Variants in MAPK7 observed in about 807,000 individuals in gnomAD.
MAPK7 encodes mitogen-activated protein kinase 7.
MAPK7 carries 30 observed loss-of-function variants against 56.9 expected under a neutral mutation model. The observed-to-expected ratio is 0.53, with a 90% confidence interval of 0.39 to 0.72. The LOEUF is 0.72. MAPK7 is among the 30% of genes least tolerant of loss of function. The probability of loss-of-function intolerance (pLI) is 0.00; values close to 1 mark genes in which losing one functional copy is unlikely to be tolerated. For missense variants in MAPK7, 952 were observed against 1,110.8 expected (o/e 0.86, Z 2.03); for synonymous variants, 516 against 449.3 (o/e 1.15, Z -1.88).
At position 19,380,988 on chromosome 17, in the gene MAPK7, A is replaced by C; in HGVS notation, c.779A>C (p.Gln260Pro). Residue 260 changes from glutamine to proline, a missense_variant, in exon 4 of 7, where the codon CAG becomes CCG. Physicochemically the swap from Gln to Pro is moderately conservative, Grantham distance 76. Coordinates refer to ENST00000395604, the MANE Select transcript of MAPK7 (RefSeq NM_002749.4). ...CIFGEMLARR[Q>P]LFPGKNYVHQ... ...TTTGGTGAGATGCTGGCCCGGCGCC[A>C]GCTCTTCCCAGGCAAAAACTATGTA... The C allele has an allele frequency of 6.2e-7, 1 of 1,614,162 alleles. No individual in the cohort carries two copies. The highest frequency in any genetic ancestry group is 8.5e-7 in the Non-Finnish European group (1 of 1,180,020).
At position 19,381,816 on chromosome 17, in the gene MAPK7, C is replaced by T. The variant is rs773329608; in HGVS notation, c.1513C>T (p.Arg505Trp). 3.2e-6 allele frequency: 5 copies of T among 1,564,814 alleles called. No individual in the cohort carries two copies. Among genetic ancestry groups the T allele is most frequent in the Middle Eastern group, 1.7e-4 (1 of 5,786 alleles). ...PSAPLEAPEP[R>W]KPVTAQERQR... Reference sequence around the variant, plus strand: ...CGCACCCCTGGAGGCTCCTGAGCCTCGGAAGCCGGTGACAGCCCAGGAGCG... The same window carrying T: ...CGCACCCCTGGAGGCTCCTGAGCCTTGGAAGCCGGTGACAGCCCAGGAGCG... Residue 505 changes from arginine (R) to tryptophan (W), a missense_variant, in exon 5 of 7, where the codon CGG (arginine) becomes TGG (tryptophan). Physicochemically the swap from Arg to Trp is moderately radical, Grantham distance 101. Coordinates refer to ENST00000395604, the MANE Select transcript of MAPK7 (RefSeq NM_002749.4). This position sits in a 1 kb window ranked among gnomAD's most constrained non-coding sequence, Gnocchi z 4.6.
At chr17:19,378,232 T>A, upstream of MAPK7, 1 of 985,808 alleles carries the variant, frequency 1.0e-6, no homozygotes, top group Middle Eastern at 5.2e-4. The surrounding 1 kb of genome is among the most constrained non-coding windows in gnomAD (Gnocchi z 5.4). Flanking sequence ...TTGCCTTCCA[T>A]TCACTTGGCG....
At position 19,381,154 on chromosome 17, in the gene MAPK7, T is replaced by G; in HGVS notation, c.945T>G (p.Gly315=). The G allele has an allele frequency of 6.2e-7, 1 of 1,614,046 alleles. No homozygotes were observed. Among genetic ancestry groups the G allele is most frequent in the Non-Finnish European group, 8.5e-7 (1 of 1,180,008 alleles). Reference sequence around the variant, plus strand: ...TGCCCTGGGAGACAGTGTACCCAGGTGCCGACCGCCAGGCCCTATCACTGC... The same window carrying G: ...TGCCCTGGGAGACAGTGTACCCAGGGGCCGACCGCCAGGCCCTATCACTGC... ...QPVPWETVYP[G]ADRQALSLLG... is the part of the protein sequence containing the mutation. The change falls in exon 4 of 7, where the codon GGT becomes GGG. Residue 315 remains glycine, a synonymous_variant. Transcript: ENST00000395604. This position sits in a 1 kb window ranked among gnomAD's most constrained non-coding sequence, Gnocchi z 4.6.
rs778901710 is a variant in MAPK7 at position 19,381,800 on chromosome 17, G to A, written c.1497G>A (p.Leu499=). ...CCGCAGATGGCCCCAGCGCACCCCTGGAGGCTCCTGAGCCTCGGAAGCCGG... is the reference window on the plus strand; with the variant it reads ...CCGCAGATGGCCCCAGCGCACCCCTAGAGGCTCCTGAGCCTCGGAAGCCGG... ...SRLRDGPSAP[L]EAPEPRKPVT... Residue 499 remains leucine (L), a synonymous_variant, in exon 5 of 7, where the codon CTG becomes CTA. Transcript: ENST00000395604. This position sits in a 1 kb window ranked among gnomAD's most constrained non-coding sequence, Gnocchi z 4.6. 21 of 1,558,048 alleles carry A rather than the reference G, an allele frequency of 1.3e-5. No individual in the cohort carries two copies. The highest frequency in any genetic ancestry group is 1.7e-5 in the Non-Finnish European group (20 of 1,154,668).
At chr17:19,378,004 C>G, upstream of MAPK7, 1 of 985,398 alleles carries the variant, frequency 1.0e-6, no homozygotes, top group Non-Finnish European at 1.2e-6. This position sits in a 1 kb window ranked among gnomAD's most constrained non-coding sequence, Gnocchi z 5.4. Context: ...GACGGGCACC[C>G]TCTACCGGGG....
chr17:19,378,829 C>T lies in MAPK7; in HGVS notation c.-5-67C>T, dbSNP rs1021971502. 10 of 1,405,056 alleles carry T rather than the reference C, an allele frequency of 7.1e-6. 1 individual carries two copies. Among genetic ancestry groups the T allele is most frequent in the South Asian group, 2.6e-5 (2 of 76,338 alleles). 87.0% of individuals were successfully genotyped at this position (1,405,056 alleles called of 1,614,324 possible). On this transcript the variant is annotated intron_variant, in intron 1 of 6. Transcript: ENST00000395604. The surrounding 1 kb of genome is among the most constrained non-coding windows in gnomAD (Gnocchi z 5.4). ...CTGGGAAGTTCCCTGGTCCTGCTCC[C>T]CAGCCCGCAGAGGGGACACTGAGGC...
In MAPK7 at chr17:19,381,935, G is replaced by A. The variant is rs563151919; in HGVS notation, c.1632G>A (p.Gly544=). The part of the protein sequence containing the change: ...RRQERERKER[G]AGASGGPSTD... ...AGGAGCGGGAGCGAAAGGAACGGGG[G>A]GCTGGGGCCTCTGGGGGCCCCTCCA... Residue 544 remains glycine, a synonymous_variant, in exon 5 of 7, where the codon GGG becomes GGA. Coordinates refer to ENST00000395604, the MANE Select transcript of MAPK7 (RefSeq NM_002749.4). This position sits in a 1 kb window ranked among gnomAD's most constrained non-coding sequence, Gnocchi z 4.6. The A allele has an allele frequency of 6.4e-7, 1 of 1,552,182 alleles. No homozygotes were observed. The highest frequency in any genetic ancestry group is 2.4e-5 in the East Asian group (1 of 40,950).
chr17:19,380,272 G>A, intron 3 of MAPK7: 1 of 491,276 alleles, frequency 2.0e-6, no homozygotes, highest in African/African-American at 1.9e-5. Flanking sequence ...GGACAAGCCT[G>A]GTCAATTTTC....
At chr17:19,380,072 C>A in intron 3 of MAPK7, 125 bp downstream of exon 3, 2 of 1,046,154 alleles carry the variant, frequency 1.9e-6, no homozygotes, top group Non-Finnish European at 2.8e-6. Flanking sequence ...TCCCGCAGTT[C>A]TAGGACCAGT....
rs1912308264 is a variant in MAPK7, at chr17:19,378,569, C to A, written c.-67C>A. On this transcript the variant is annotated 5_prime_UTR_variant, in exon 1 of 7. Coordinates refer to ENST00000395604, the MANE Select transcript of MAPK7 (RefSeq NM_002749.4). The surrounding 1 kb of genome is among the most constrained non-coding windows in gnomAD (Gnocchi z 5.4). ...TAAGTGAGCCACCCTCGGAGACCCC[C>A]GCGCTGGGGACGGGAGGCCGGCGAG... The A allele has an allele frequency of 8.2e-7, 1 of 1,215,984 alleles. No individual in the cohort carries two copies. Among genetic ancestry groups the A allele is most frequent in the Non-Finnish European group, 1.0e-6 (1 of 970,942 alleles). 75.3% of individuals were successfully genotyped at this position (1,215,984 alleles called of 1,614,324 possible).
chr17:19,382,277 C>T lies in MAPK7; in HGVS notation c.1974C>T (p.Ala658=). Reference sequence around the variant, plus strand: ...CTGTCCCCGCGCCACCCCAGATTGCCACCTCCACCAGCCTCCTGGCTGCCC... The same window carrying T: ...CTGTCCCCGCGCCACCCCAGATTGCTACCTCCACCAGCCTCCTGGCTGCCC... The part of the protein sequence containing the change: ...PIPVPAPPQI[A]TSTSLLAAQS... Residue 658 remains alanine (A), a synonymous_variant, in exon 5 of 7, where the codon GCC becomes GCT. Coordinates refer to ENST00000395604, the MANE Select transcript of MAPK7 (RefSeq NM_002749.4). 1 of 1,612,850 alleles carries T rather than the reference C, an allele frequency of 6.2e-7. No individual in the cohort carries two copies. Among genetic ancestry groups the T allele is most frequent in the Non-Finnish European group, 8.5e-7 (1 of 1,179,936 alleles).
chr17:19,377,835 G>A (rs911670217), upstream of MAPK7: 1 of 985,398 alleles, frequency 1.0e-6, no homozygotes, highest in Non-Finnish European at 1.2e-6. Context: ...TCGCGGGACA[G>A]ACAAACGAGC....
chr17:19,381,071 G>A lies in MAPK7; in HGVS notation c.862G>A (p.Ala288Thr). 6.2e-7 allele frequency: 1 copy of A among 1,614,064 alleles called. No individual in the cohort carries two copies. Among genetic ancestry groups the A allele is most frequent in the Non-Finnish European group, 8.5e-7 (1 of 1,180,026 alleles). ...TACCCCATCACCAGCCGTGATTCAG[G>A]CTGTGGGGGCTGAGAGGGTGCGGGC... Reference protein sequence around the residue: ...LGTPSPAVIQAVGAERVRAYI... With the variant: ...LGTPSPAVIQTVGAERVRAYI... Residue 288 changes from alanine (A) to threonine (T), a missense_variant, in exon 4 of 7, where the codon GCT (alanine) becomes ACT (threonine). Transcript: ENST00000395604. The surrounding 1 kb of genome is among the most constrained non-coding windows in gnomAD (Gnocchi z 4.6).
chr17:19,379,769 C>T lies in MAPK7; in HGVS notation c.233-13C>T. On this transcript the variant is annotated splice_polypyrimidine_tract_variant and intron_variant, in intron 2 of 6. Coordinates refer to ENST00000395604, the MANE Select transcript of MAPK7 (RefSeq NM_002749.4). ...AGGTATCCTCTGGTATGTCCCTTTT[C>T]CCTGCTCCTCAGGCCAGCAGGTGGC... The T allele has an allele frequency of 6.2e-7, 1 of 1,612,976 alleles. No individual in the cohort carries two copies. Among genetic ancestry groups the T allele is most frequent in the Non-Finnish European group, 8.5e-7 (1 of 1,179,470 alleles).
chr17:19,382,183 C>T lies in MAPK7; in HGVS notation c.1880C>T (p.Pro627Leu). 6.2e-7 allele frequency: 1 copy of T among 1,612,550 alleles called. No homozygotes were observed. Among genetic ancestry groups the T allele is most frequent in the South Asian group, 1.1e-5 (1 of 91,060 alleles). The change falls in exon 5 of 7, where the codon CCT becomes CTT. Residue 627 changes from proline to leucine, a missense_variant. Coordinates refer to ENST00000395604, the MANE Select transcript of MAPK7 (RefSeq NM_002749.4). ...CAATCTGCGGGCTCTACCTCTGGCC[C>T]TGTACCCCAGCCTGCCTGCCCACCC... ...QPQSAGSTSG[P>L]VPQPACPPPG...
rs1299802035 is a variant in MAPK7, at chr17:19,378,565, C to A, written c.-71C>A. 1.7e-6 allele frequency: 2 copies of A among 1,207,988 alleles called. No homozygotes were observed. Among genetic ancestry groups the A allele is most frequent in the Non-Finnish European group, 2.1e-6 (2 of 965,928 alleles). 74.8% of individuals were successfully genotyped at this position (1,207,988 alleles called of 1,614,324 possible). On this transcript the variant is annotated 5_prime_UTR_variant, in exon 1 of 7. Coordinates refer to ENST00000395604, the MANE Select transcript of MAPK7 (RefSeq NM_002749.4). The surrounding 1 kb of genome is among the most constrained non-coding windows in gnomAD (Gnocchi z 5.4). ...CAAGTAAGTGAGCCACCCTCGGAGA[C>A]CCCCGCGCTGGGGACGGGAGGCCGG... is the stretch of plus-strand genomic sequence containing the variant.
At chr17:19,382,737 G>T (rs1598119145) in intron 5 of MAPK7, 76 bp from the exon 6 acceptor site, 1 of 1,560,474 alleles carries the variant, frequency 6.4e-7, no homozygotes, top group East Asian at 2.3e-5. Context: ...TATCCAGGCG[G>T]AGTAGTCAGC....
chr17:19,381,401 C>G lies in MAPK7; in HGVS notation c.1192C>G (p.Gln398Glu). 1 of 1,614,170 alleles carries G rather than the reference C, an allele frequency of 6.2e-7. No individual in the cohort carries two copies. The highest frequency in any genetic ancestry group is 8.5e-7 in the Non-Finnish European group (1 of 1,180,046). The change falls in exon 4 of 7, where the codon CAG becomes GAG. Residue 398 changes from glutamine (Q) to glutamate (E), a missense_variant. Around this residue, in one of 5 missense-constraint regions of MAPK7, gnomAD observed 429 missense variants for 533.0 expected, o/e 0.80. Coordinates refer to ENST00000395604, the MANE Select transcript of MAPK7 (RefSeq NM_002749.4). The surrounding 1 kb of genome is among the most constrained non-coding windows in gnomAD (Gnocchi z 4.6). ...FHARREGIRQQIRFQPSLQPV... is the reference protein window; with the variant it reads ...FHARREGIRQEIRFQPSLQPV... Reference sequence around the variant, plus strand: ...TGCAAGGCGTGAGGGCATCCGCCAACAGATCCGCTTCCAGCCTTCTCTACA... The same window carrying G: ...TGCAAGGCGTGAGGGCATCCGCCAAGAGATCCGCTTCCAGCCTTCTCTACA...
rs1167188389 is a variant in MAPK7, at chr17:19,382,549, A to AAACTGT, written c.2163+88_2163+89insTAACTG. On this transcript the variant is annotated intron_variant, in intron 5 of 6. Coordinates refer to ENST00000395604, the MANE Select transcript of MAPK7 (RefSeq NM_002749.4). Reference sequence around the variant, plus strand: ...TCAGGAAGCGGTCAGTGTTCCACAAAAACTGAGCAGCAGATGGGGCTTTAT... The same window carrying AAACTGT: ...TCAGGAAGCGGTCAGTGTTCCACAAAAACTGTAACTGAGCAGCAGATGGGGCTTTAT... The AAACTGT allele has an allele frequency of 1.1e-5, 17 of 1,510,310 alleles. No homozygotes were observed. In the African/African-American group the frequency reaches 1.8e-4, roughly 16 times the overall value. The allele number at this position is 1,510,310 out of a possible 1,614,324, so 93.6% of individuals were successfully genotyped here. A position where few individuals can be genotyped will look rare whatever the true frequency, so the allele number is the denominator to read the frequency against.
Sources: allele counts gnomAD v4.1 joint callset, GRCh38; gene constraint gnomAD v4.1.1; regional missense constraint gnomAD v4.1.1; non-coding constraint Gnocchi (gnomAD v3.1); transcripts MANE v1.5; gene names NCBI Gene and HGNC (gene_info 2026-07-23, HGNC 2026-07-21).